The following LIN7A variants were observed in gnomAD, a reference collection of about 807,000 sequenced individuals.
LIN7A encodes lin-7 cell polarity scaffold A, also known as protein lin-7 homolog A.
In LIN7A, 25 loss-of-function variants were observed where a neutral mutation model predicts 29.8. The ratio of observed to expected loss-of-function variants is 0.84; its 90% CI spans 0.61 to 1.17. The LOEUF (loss-of-function observed/expected upper bound fraction) is 1.17, where lower values mean the gene tolerates loss of function less well. LIN7A is among the 50% of genes most tolerant of loss of function. The pLI is 0.00. For missense variants in LIN7A, 239 were observed against 287.0 expected, an observed-to-expected ratio of 0.83 and a Z score of 1.21; for synonymous variants, 118 against 107.5, an observed-to-expected ratio of 1.10 and a Z score of -0.60.
At chr12:80,807,317 G>A (rs915849687) in intron 5 of LIN7A, among the ~76,000 whole-genome samples, 2 of 152,010 alleles carry the variant, frequency 1.3e-5, no homozygotes, top group African/African-American at 4.8e-5. Context: ...TGATCCACCT[G>A]CCTTGGCCTC....
At chr12:80,937,582 C>CCCGTT (rs1878311358) in intron 1 of LIN7A, 59 bp downstream of exon 1, 20 of 1,240,966 alleles carry the variant, frequency 1.6e-5, no homozygotes, top group Non-Finnish European at 4.3e-6. Context: ...AATTGGCAGG[C>CCCGTT]GGGGAAGGGA....
At chr12:80,814,144 T>C (rs1871422146) in intron 4 of LIN7A, among the ~76,000 whole-genome samples, 2 of 152,240 alleles carry the variant, frequency 1.3e-5, no homozygotes, top group Non-Finnish European at 2.9e-5. Context: ...CATTTGATCA[T>C]TGGCTTAGCC....
chr12:80,908,709 GT>G (rs1217884410), intron 1 of LIN7A, among the ~76,000 whole-genome samples: 1 of 151,912 alleles, frequency 6.6e-6, no homozygotes. Flanking sequence ...TCTCAGTGTA[GT>G]TTCAATTTGC....
Position 80,937,834 on chromosome 12 carries a change from A to G in LIN7A, c.-112T>C, listed in dbSNP as rs1878334584. 8.6e-6 allele frequency: 7 copies of G among 811,976 alleles called. No homozygotes were observed. Among genetic ancestry groups the G allele is most frequent in the African/African-American group, 1.8e-5 (1 of 55,220 alleles). 50.3% of individuals were successfully genotyped at this position (811,976 alleles called of 1,614,324 possible). A position where few individuals can be genotyped will look rare whatever the true frequency, so the allele number is the denominator to read the frequency against. ...GGAAGGAAGGTGGTGGTGGTGGAGAAGAAAGCTTGGGTGGGTTGGTAGCCA... is the reference window on the plus strand; with the variant it reads ...GGAAGGAAGGTGGTGGTGGTGGAGAGGAAAGCTTGGGTGGGTTGGTAGCCA... On this transcript the variant is annotated 5_prime_UTR_variant, in exon 1 of 6. Coordinates refer to ENST00000552864, the MANE Select transcript of LIN7A (RefSeq NM_004664.4).
At chr12:80,917,089 C>T (rs936670907) in intron 1 of LIN7A, among the ~76,000 whole-genome samples, 1 of 152,084 alleles carries the variant, frequency 6.6e-6, no homozygotes, top group Non-Finnish European at 1.5e-5. Flanking sequence ...GTGGATAATA[C>T]TTCTAGGGAG....
intron 5 of LIN7A, among the ~76,000 whole-genome samples, chr12:80,807,068 T>TTTTTGTTTTTTTTTGTTTTTTG (rs1555221338): frequency 1.2e-5 from 1 of 84,996 alleles, no homozygotes; most frequent in Admixed American, 1.2e-4. Context: ...ATGGAGTTTT[T>TTTTTGTTTTTTTTTGTTTTTTG]TTTTTTTTTT....
intron 4 of LIN7A, 30 bp downstream of exon 4, chr12:80,845,700 A>G (rs1873040665): frequency 1.3e-6 from 2 of 1,570,300 alleles, no homozygotes; most frequent in African/African-American, 1.4e-5. Flanking sequence ...GTGCTTAAGG[A>G]GAAAATCTCT....
At chr12:80,856,105 G>T (rs996981534) in intron 2 of LIN7A, among the ~76,000 whole-genome samples, 5 of 151,818 alleles carry the variant, frequency 3.3e-5, no homozygotes, top group African/African-American at 1.2e-4. Flanking sequence ...TGCAAAAAAA[G>T]AAAAAAGAAA....
At chr12:80,864,106 CA>C (rs1874016541) in intron 2 of LIN7A, among the ~76,000 whole-genome samples, 1 of 151,928 alleles carries the variant, frequency 6.6e-6, no homozygotes, top group Admixed American at 6.6e-5. Context: ...ATAGAAGTCT[CA>C]AAAGACAAAG....
chr12:80,801,359 T>G (rs1444772208), intron 5 of LIN7A, among the ~76,000 whole-genome samples: 1 of 151,960 alleles, frequency 6.6e-6, no homozygotes, highest in Non-Finnish European at 1.5e-5. Context: ...AGAAATGCAA[T>G]GTGAGAAGGA....
At chr12:80,884,889 C>A (rs1420201961) in intron 2 of LIN7A, among the ~76,000 whole-genome samples, 1 of 152,160 alleles carries the variant, frequency 6.6e-6, no homozygotes, top group Non-Finnish European at 1.5e-5. Flanking sequence ...GTCCTTACAA[C>A]AGACCACTGT....
intron 2 of LIN7A, among the ~76,000 whole-genome samples, chr12:80,856,800 A>G (rs2400842): frequency 0.94 from 143,433 of 152,286 alleles, 67,633 homozygotes; most frequent in East Asian, 1. Flanking sequence ...GTATCTGACA[A>G]CCAAGTTATT....
intron 1 of LIN7A, among the ~76,000 whole-genome samples, chr12:80,897,163 T>C (rs1263079204): frequency 6.6e-6 from 1 of 152,176 alleles, no homozygotes; most frequent in Non-Finnish European, 1.5e-5. Context: ...CGAGACATCA[T>C]GAAATCAAGT....
At chr12:80,879,319 G>A (rs183110476) in intron 2 of LIN7A, among the ~76,000 whole-genome samples, 97 of 152,142 alleles carry the variant, frequency 6.4e-4, no homozygotes, top group Non-Finnish European at 1.1e-3. Flanking sequence ...ATCTAATGAA[G>A]TTTGTGAAGT....
chr12:80,912,150 A>C (rs148046988), intron 1 of LIN7A, among the ~76,000 whole-genome samples: 5 of 152,336 alleles, frequency 3.3e-5, no homozygotes, highest in African/African-American at 9.6e-5. Context: ...TCAAGCACCA[A>C]TTCAGGGCAG....
chr12:80,834,339 G>A (rs1352085619), intron 4 of LIN7A, among the ~76,000 whole-genome samples: 2 of 152,072 alleles, frequency 1.3e-5, no homozygotes, highest in Non-Finnish European at 2.9e-5. Flanking sequence ...TAAAGCTTAA[G>A]ATATGCTATA....
chr12:80,916,005 C>CTAACAAA (rs1301687538), intron 1 of LIN7A, among the ~76,000 whole-genome samples: 77 of 152,270 alleles, frequency 5.1e-4, no homozygotes, highest in Non-Finnish European at 9.9e-4. Context: ...AACAAACCTG[C>CTAACAAA]ACATGTTCTC....
chr12:80,937,596 G>A (rs1160722392), intron 1 of LIN7A, 45 bp downstream of exon 1: 4 of 1,353,174 alleles, frequency 3.0e-6, no homozygotes, highest in Non-Finnish European at 3.0e-6. Context: ...GAAGGGAGGA[G>A]GGGAGAGGGG....
At chr12:80,925,457 G>A (rs1181737340) in intron 1 of LIN7A, among the ~76,000 whole-genome samples, 1 of 152,146 alleles carries the variant, frequency 6.6e-6, no homozygotes, top group East Asian at 1.9e-4. Flanking sequence ...GCAGGAGGGT[G>A]GAAGCACATG....
Sources: allele counts gnomAD v4.1 joint callset (sites outside exome capture counted in the v4.1 genomes callset), GRCh38; gene constraint gnomAD v4.1.1; transcripts MANE v1.5; gene names NCBI Gene and HGNC (gene_info 2026-07-23, HGNC 2026-07-21).